The following PREX1 variants were observed in gnomAD, a reference collection of about 807,000 sequenced individuals.
PREX1 encodes phosphatidylinositol 3,4,5-trisphosphate-dependent Rac exchanger 1 protein.
Under a neutral mutation model 198.3 loss-of-function variants are expected in PREX1, and 41 were observed. The observed-to-expected ratio is 0.21, with a 90% CI of 0.16 to 0.27. The LOEUF is 0.27. Ranked by LOEUF, PREX1 falls within the 10% of genes least tolerant of loss-of-function variation. The probability of loss-of-function intolerance (pLI) is 1.00; values close to 1 mark genes in which losing one functional copy is unlikely to be tolerated. For missense variants in PREX1, 1,620 were observed against 2,200.7 expected (o/e 0.74, Z 5.28); for synonymous variants, 843 against 887.2 (o/e 0.95, Z 0.89).
In PREX1 at chr20:48,806,115, C is replaced by A. The variant is rs531894595; in HGVS notation, c.219+21527G>T. On this transcript the variant is annotated intron_variant, in intron 1 of 39. Coordinates refer to ENST00000371941, the MANE Select transcript of PREX1 (RefSeq NM_020820.4). ...GCTTCATGACAGTAGCAGGTAGAGT[C>A]CAGACATCCTTCCTCCCCAGTTGTG... Among the ~76,000 whole-genome samples the A allele has an allele frequency of 2.0e-5, 3 of 152,140 alleles. No individual in the cohort carries two copies. The East Asian group carries it at 5.8e-4, about 29-fold the overall frequency.
At chr20:48,742,069 A>G (rs1359317736) in intron 3 of PREX1, among the ~76,000 whole-genome samples, 1 of 152,076 alleles carries the variant, frequency 6.6e-6, no homozygotes, top group African/African-American at 2.4e-5. Context: ...TCTCCAAAAT[A>G]CTTCATCTCT....
intron 29 of PREX1, 52 bp from the exon 30 acceptor site, chr20:48,639,946 G>C (rs1231175812): frequency 3.8e-6 from 6 of 1,588,516 alleles, no homozygotes; most frequent in East Asian, 2.2e-5. Context: ...GGTAGTGTTG[G>C]AGAACGGTGG....
At chr20:48,854,207 C>T in the PREX1 span, among the ~76,000 whole-genome samples, 1 of 152,170 alleles carries the variant, frequency 6.6e-6, no homozygotes, top group Non-Finnish European at 1.5e-5. Flanking sequence ...GTAAAGACCA[C>T]AAGAGGTGAT....
chr20:48,849,267 G>A, the PREX1 span, among the ~76,000 whole-genome samples: 1 of 152,136 alleles, frequency 6.6e-6, no homozygotes, highest in South Asian at 2.1e-4. Flanking sequence ...CTATATATGT[G>A]TGATTATATA....
intron 1 of PREX1, among the ~76,000 whole-genome samples, chr20:48,803,360 G>A (rs2090396128): frequency 6.6e-6 from 1 of 152,138 alleles, no homozygotes. Context: ...GGGTGGGGGA[G>A]GGAGAACAGG....
chr20:48,646,245 G>A (rs2089450275), intron 25 of PREX1, among the ~76,000 whole-genome samples, 188 bp from the exon 26 acceptor site: 1 of 152,190 alleles, frequency 6.6e-6, no homozygotes, highest in Non-Finnish European at 1.5e-5. Flanking sequence ...CCTTTCCTGT[G>A]AAGACCCTGA....
chr20:48,709,005 C>T (rs2089917376), intron 5 of PREX1, among the ~76,000 whole-genome samples: 3 of 152,110 alleles, frequency 2.0e-5, no homozygotes. Context: ...GCTCTTAATC[C>T]ATGAGAAGCC....
chr20:48,670,507 T>G (rs1420139273), intron 14 of PREX1, among the ~76,000 whole-genome samples: 1 of 152,144 alleles, frequency 6.6e-6, no homozygotes, highest in African/African-American at 2.4e-5. Context: ...CATGTGACGG[T>G]CGCAGCCTGG....
the PREX1 span, among the ~76,000 whole-genome samples, chr20:48,836,118 C>T: frequency 2.0e-5 from 3 of 151,998 alleles, no homozygotes; most frequent in Non-Finnish European, 4.4e-5. Context: ...TGGCAGGGGT[C>T]GGTGGGGTGC....
intron 5 of PREX1, among the ~76,000 whole-genome samples, chr20:48,713,554 G>A (rs547562053): frequency 6.6e-6 from 1 of 152,250 alleles, no homozygotes; most frequent in African/African-American, 2.4e-5. Context: ...GGGCAACACA[G>A]AAGGACACCA....
At chr20:48,671,946 C>T (rs1217513130) in intron 14 of PREX1, among the ~76,000 whole-genome samples, 2 of 152,234 alleles carry the variant, frequency 1.3e-5, no homozygotes, top group African/African-American at 4.8e-5. Context: ...TCGACATCCT[C>T]CCCGTCTCCA....
intron 1 of PREX1, among the ~76,000 whole-genome samples, chr20:48,792,426 C>T (rs766868279): frequency 2.0e-5 from 3 of 151,936 alleles, no homozygotes; most frequent in Non-Finnish European, 4.4e-5. Context: ...GCCAAGATCG[C>T]GCCACTGCAC....
chr20:48,678,494 T>C (rs1488267717), intron 13 of PREX1, among the ~76,000 whole-genome samples: 1 of 140,044 alleles, frequency 7.1e-6, no homozygotes, highest in Non-Finnish European at 1.5e-5. Context: ...AGAAGAAAAT[T>C]AAAATGAACA....
the PREX1 span, among the ~76,000 whole-genome samples, chr20:48,841,924 C>G: frequency 6.6e-6 from 1 of 152,198 alleles, no homozygotes; most frequent in Non-Finnish European, 1.5e-5. Flanking sequence ...TTCTTAACAG[C>G]AAACTGTTCC....
At chr20:48,643,726 T>G (rs1217077289) in intron 27 of PREX1, among the ~76,000 whole-genome samples, 1 of 152,106 alleles carries the variant, frequency 6.6e-6, no homozygotes, top group Non-Finnish European at 1.5e-5. Context: ...CAGGCTGGAG[T>G]GCAGTGGCAT....
the PREX1 span, among the ~76,000 whole-genome samples, chr20:48,883,744 A>G: frequency 1.9e-3 from 285 of 152,238 alleles, 5 homozygotes; most frequent in Non-Finnish European, 2.0e-3. Context: ...GAAGACCGAA[A>G]TAAAAGGAAA....
At chr20:48,713,872 A>AAAAAAAAG (rs1555837405) in intron 5 of PREX1, among the ~76,000 whole-genome samples, 1 of 147,724 alleles carries the variant, frequency 6.8e-6, no homozygotes, top group African/African-American at 2.6e-5. Flanking sequence ...AAAAAAAAAA[A>AAAAAAAAG]AAAAGAAAAT....
intron 1 of PREX1, among the ~76,000 whole-genome samples, chr20:48,798,925 C>G (rs1247374076): frequency 2.0e-5 from 3 of 152,198 alleles, no homozygotes; most frequent in Non-Finnish European, 2.9e-5. Flanking sequence ...GAGACAGAGT[C>G]TCGCTCTGTC....
intron 1 of PREX1, among the ~76,000 whole-genome samples, chr20:48,816,802 G>A (rs994752304): frequency 1.7e-4 from 26 of 150,156 alleles, no homozygotes; most frequent in Non-Finnish European, 1.8e-4. Context: ...TGAGATCACA[G>A]CCCGGGTCAA....
Sources: gnomAD v4.1 joint callset for allele counts (sites outside exome capture counted in the v4.1 genomes callset) on GRCh38, gnomAD v4.1.1 for gene constraint, MANE v1.5 for transcripts, NCBI Gene and HGNC (gene_info 2026-07-23, HGNC 2026-07-21) for gene names.